SHANK2: variants seen among roughly 807,000 people sequenced by gnomAD.
SHANK2 encodes SH3 and multiple ankyrin repeat domains 2.
A neutral mutation model predicts 133.7 loss-of-function variants in SHANK2; 43 were observed. The ratio of observed to expected loss-of-function variants is 0.32; its 90% confidence interval spans 0.25 to 0.41. The LOEUF is 0.41. Ranked by LOEUF, SHANK2 falls within the 10% of genes least tolerant of loss-of-function variation. The pLI is 1.00. For missense variants in SHANK2, 1,994 were observed against 2,235.8 expected (o/e 0.89, Z 2.18); for synonymous variants, 1,017 against 952.8 (o/e 1.07, Z -1.24).
At chr11:70,837,233 C>A (rs1948832505) in intron 11 of SHANK2, among the ~76,000 whole-genome samples, 1 of 152,214 alleles carries the variant, frequency 6.6e-6, no homozygotes, top group Non-Finnish European at 1.5e-5. Context: ...CAGGCCACTG[C>A]CCCTTACAGG....
chr11:71,166,492 T>C (rs923429228), intron 2 of SHANK2, among the ~76,000 whole-genome samples: 41 of 150,222 alleles, frequency 2.7e-4, no homozygotes, highest in African/African-American at 9.8e-4. Flanking sequence ...CTTTTCTTTT[T>C]TTTTTGAGAT....
At chr11:71,111,861 C>T (rs1555099309) in intron 5 of SHANK2, among the ~76,000 whole-genome samples, 1 of 152,174 alleles carries the variant, frequency 6.6e-6, no homozygotes, top group African/African-American at 2.4e-5. Flanking sequence ...AAAGCCAAAA[C>T]CCAGAAGCAC....
intron 17 of SHANK2, among the ~76,000 whole-genome samples, chr11:70,573,958 C>G (rs1231385692): frequency 2.0e-5 from 3 of 152,210 alleles, no homozygotes; most frequent in African/African-American, 7.2e-5. Flanking sequence ...TGGCGCTATG[C>G]CAGTTTCTCT....
intron 17 of SHANK2, among the ~76,000 whole-genome samples, chr11:70,553,329 A>G (rs539476427): frequency 4.6e-5 from 7 of 152,024 alleles, no homozygotes; most frequent in Non-Finnish European, 8.8e-5. Flanking sequence ...CTGACCTCAA[A>G]TGCTTCGCCC....
chr11:70,796,482 G>T (rs1290546757), intron 14 of SHANK2, among the ~76,000 whole-genome samples: 2 of 152,222 alleles, frequency 1.3e-5, no homozygotes, highest in Admixed American at 1.3e-4. Flanking sequence ...TGCCAGGAGA[G>T]GGAGGAGTGG....
intron 8 of SHANK2, among the ~76,000 whole-genome samples, chr11:71,085,255 G>A (rs1017015751): frequency 6.6e-5 from 10 of 151,694 alleles, no homozygotes; most frequent in East Asian, 1.9e-4. Flanking sequence ...TCAGGAGTTC[G>A]AGACAAGCCT....
At chr11:71,100,385 G>A (rs1213240098) in intron 6 of SHANK2, among the ~76,000 whole-genome samples, 6 of 152,226 alleles carry the variant, frequency 3.9e-5, no homozygotes, top group African/African-American at 1.4e-4. Flanking sequence ...CAGTAGGTGA[G>A]TGGATACATT....
At chr11:71,150,717 T>C (rs1263911197) in intron 2 of SHANK2, among the ~76,000 whole-genome samples, 3 of 152,034 alleles carry the variant, frequency 2.0e-5, no homozygotes, top group Non-Finnish European at 4.4e-5. Context: ...GAGCACCCTG[T>C]GTCCAACCAC....
intron 2 of SHANK2, among the ~76,000 whole-genome samples, chr11:71,189,466 G>A (rs993191701): frequency 8.5e-5 from 13 of 152,200 alleles, no homozygotes; most frequent in African/African-American, 3.1e-4. Context: ...ACACAATCAC[G>A]GCTCGCTGCA....
At chr11:70,754,383 C>T (rs1162451985) in intron 14 of SHANK2, among the ~76,000 whole-genome samples, 2 of 152,170 alleles carry the variant, frequency 1.3e-5, no homozygotes, top group Non-Finnish European at 2.9e-5. Flanking sequence ...CAAATCCAGA[C>T]ATATATTAGT....
chr11:71,198,177 G>C (rs972705422), intron 2 of SHANK2, among the ~76,000 whole-genome samples: 3 of 151,878 alleles, frequency 2.0e-5, no homozygotes, highest in African/African-American at 7.3e-5. Flanking sequence ...TCGAATTCTT[G>C]TGCTCAAGAG....
intron 21 of SHANK2, among the ~76,000 whole-genome samples, chr11:70,499,085 G>A (rs574349182): frequency 8.1e-4 from 123 of 152,372 alleles, no homozygotes; most frequent in African/African-American, 2.9e-3. Context: ...CCCAGAGACA[G>A]GTGGAGGCAG....
intron 15 of SHANK2, chr11:70,667,699 G>T (rs1944704483): frequency 6.6e-6 from 1 of 152,242 alleles, no homozygotes; most frequent in South Asian, 2.1e-4. Context: ...CCTGATCCTC[G>T]AGGTGATGTC....
intron 14 of SHANK2, among the ~76,000 whole-genome samples, chr11:70,764,035 TG>T (rs1947053793): frequency 2.0e-5 from 3 of 152,254 alleles, no homozygotes; most frequent in Admixed American, 6.5e-5. Flanking sequence ...TCAAACTATC[TG>T]ATTATTAAGT....
intron 11 of SHANK2, among the ~76,000 whole-genome samples, chr11:70,893,658 T>TTTC (rs1331286623): frequency 2.0e-5 from 3 of 152,366 alleles, no homozygotes; most frequent in Admixed American, 6.5e-5. Flanking sequence ...AGAGGTTTTT[T>TTTC]TTCTTCTTCT....
intron 21 of SHANK2, among the ~76,000 whole-genome samples, chr11:70,498,177 A>C (rs1168931622): frequency 6.6e-6 from 1 of 152,164 alleles, no homozygotes; most frequent in Non-Finnish European, 1.5e-5. Flanking sequence ...TGGTCTGTCT[A>C]CTTCTCTGGA....
chr11:71,098,823 C>T (rs1396608638), intron 6 of SHANK2, among the ~76,000 whole-genome samples: 3 of 152,062 alleles, frequency 2.0e-5, no homozygotes, highest in Non-Finnish European at 4.4e-5. Context: ...ATGCGTAGCC[C>T]GCACCACCCC....
At chr11:70,846,154 C>T (rs1396157639) in intron 11 of SHANK2, among the ~76,000 whole-genome samples, 9 of 152,216 alleles carry the variant, frequency 5.9e-5, no homozygotes, top group South Asian at 4.2e-4. Context: ...AAGAGGGTGC[C>T]GGTGGTGGGG....
intron 10 of SHANK2, among the ~76,000 whole-genome samples, chr11:70,898,654 G>A (rs546824563): frequency 2.0e-4 from 30 of 152,344 alleles, no homozygotes; most frequent in Admixed American, 8.5e-4. Flanking sequence ...GCAAAGTGCT[G>A]AAGGAGCAGC....
Sources: allele counts gnomAD v4.1 joint callset (sites outside exome capture counted in the v4.1 genomes callset), GRCh38; gene constraint gnomAD v4.1.1; transcripts MANE v1.5; gene names NCBI Gene and HGNC (gene_info 2026-07-23, HGNC 2026-07-21).